The following AFG2A variants were observed in gnomAD, a reference collection of about 807,000 sequenced individuals.
AFG2A encodes the protein AAA ATPase AFG2A, also known as ATPase family gene 2 protein homolog A.
At chr4:123,264,841 A>G in the AFG2A span, among the ~76,000 whole-genome samples, 1 of 152,138 alleles carries the variant, frequency 6.6e-6, no homozygotes, top group Admixed American at 6.5e-5. Context: ...AATCCTTTCA[A>G]GTGTTAAAAA....
At chr4:122,924,664 C>G in the AFG2A span, among the ~76,000 whole-genome samples, 2 of 152,092 alleles carry the variant, frequency 1.3e-5, no homozygotes, top group Admixed American at 6.6e-5. Context: ...GCAAGTTCAT[C>G]CAGTGCCCAG....
the AFG2A span, among the ~76,000 whole-genome samples, chr4:123,293,171 A>G: frequency 6.6e-6 from 1 of 152,182 alleles, no homozygotes; most frequent in African/African-American, 2.4e-5. Context: ...AAGGCCATCC[A>G]TAGGTGCACC....
the AFG2A span, among the ~76,000 whole-genome samples, chr4:123,089,645 C>T: frequency 6.6e-6 from 1 of 151,820 alleles, no homozygotes; most frequent in Non-Finnish European, 1.5e-5. Flanking sequence ...AGTGCAGTGG[C>T]GTGATCTCCG....
At chr4:123,046,040 T>C in the AFG2A span, among the ~76,000 whole-genome samples, 1 of 151,042 alleles carries the variant, frequency 6.6e-6, no homozygotes, top group Non-Finnish European at 1.5e-5. Flanking sequence ...GAGGTTGTAG[T>C]GAGTGGAGAT....
the AFG2A span, among the ~76,000 whole-genome samples, chr4:122,983,811 G>T: frequency 2.6e-5 from 4 of 152,330 alleles, no homozygotes; most frequent in East Asian, 7.7e-4. Flanking sequence ...ACAGGACTCT[G>T]TACAGACAAC....
At chr4:122,941,984 C>T in the AFG2A span, among the ~76,000 whole-genome samples, 11 of 151,888 alleles carry the variant, frequency 7.2e-5, no homozygotes, top group East Asian at 1.9e-4. Flanking sequence ...GGATGAAGCC[C>T]GCTTGATCAT....
chr4:123,085,075 A>G, the AFG2A span, among the ~76,000 whole-genome samples: 1 of 151,992 alleles, frequency 6.6e-6, no homozygotes, highest in Admixed American at 6.6e-5. Flanking sequence ...TTGGTCTGAA[A>G]GCAGACATTC....
At chr4:123,105,234 A>G in the AFG2A span, among the ~76,000 whole-genome samples, 1 of 152,156 alleles carries the variant, frequency 6.6e-6, no homozygotes, top group East Asian at 1.9e-4. Context: ...CAATGGAAAA[A>G]CAAAGCCTGG....
At chr4:123,280,208 G>C in the AFG2A span, among the ~76,000 whole-genome samples, 1 of 152,062 alleles carries the variant, frequency 6.6e-6, no homozygotes, top group African/African-American at 2.4e-5. Flanking sequence ...AATGGCAATA[G>C]TAATACTTCA....
the AFG2A span, among the ~76,000 whole-genome samples, chr4:122,997,087 TC>T: frequency 2.0e-5 from 3 of 152,176 alleles, no homozygotes; most frequent in Non-Finnish European, 2.9e-5. Flanking sequence ...CTATTACATA[TC>T]CCTTTATTCA....
the AFG2A span, among the ~76,000 whole-genome samples, chr4:123,244,455 C>G: frequency 6.6e-6 from 1 of 152,200 alleles, no homozygotes; most frequent in South Asian, 2.1e-4. Flanking sequence ...ATCCACAGCT[C>G]TGCATCACCA....
chr4:123,211,784 A>T, the AFG2A span, among the ~76,000 whole-genome samples: 1 of 152,114 alleles, frequency 6.6e-6, no homozygotes, highest in Non-Finnish European at 1.5e-5. Context: ...CTGGACCTAG[A>T]AGAGTAAACC....
At chr4:123,226,340 C>T in the AFG2A span, among the ~76,000 whole-genome samples, 1 of 152,148 alleles carries the variant, frequency 6.6e-6, no homozygotes, top group Non-Finnish European at 1.5e-5. Context: ...ATGATATTGG[C>T]TGTGGGTTTG....
At chr4:123,004,852 C>T in the AFG2A span, among the ~76,000 whole-genome samples, 2 of 152,060 alleles carry the variant, frequency 1.3e-5, no homozygotes, top group African/African-American at 4.8e-5. Context: ...CTGGAATTTT[C>T]ATTATTTGGA....
chr4:123,216,913 T>C, the AFG2A span, among the ~76,000 whole-genome samples: 1 of 152,154 alleles, frequency 6.6e-6, no homozygotes, highest in South Asian at 2.1e-4. Context: ...CAAGTGGTCC[T>C]TCCACCTTGG....
chr4:123,260,753 TG>T, the AFG2A span, among the ~76,000 whole-genome samples: 3 of 152,206 alleles, frequency 2.0e-5, no homozygotes, highest in Non-Finnish European at 4.4e-5. Context: ...CCATTTGACC[TG>T]GTCTTAAGCG....
chr4:123,001,537 A>G, the AFG2A span, among the ~76,000 whole-genome samples: 4 of 150,850 alleles, frequency 2.7e-5, no homozygotes, highest in African/African-American at 9.8e-5. Context: ...GAACATCTTT[A>G]TTTCTGCCTT....
the AFG2A span, among the ~76,000 whole-genome samples, chr4:123,151,094 C>G: frequency 6.6e-6 from 1 of 152,160 alleles, no homozygotes; most frequent in Non-Finnish European, 1.5e-5. Context: ...TGGACTCCTT[C>G]CTTACACCTT....
chr4:123,304,758 C>T, the AFG2A span, among the ~76,000 whole-genome samples: 21 of 152,188 alleles, frequency 1.4e-4, no homozygotes, highest in Admixed American at 8.5e-4. Flanking sequence ...TCATGCAGAA[C>T]AGCGGGGGCA....
Sources: gnomAD v4.1 joint callset for allele counts (sites outside exome capture counted in the v4.1 genomes callset) on GRCh38, gnomAD v4.1.1 for gene constraint, MANE v1.5 for transcripts, NCBI Gene and HGNC (gene_info 2026-07-23, HGNC 2026-07-21) for gene names.